The following LARS2 variants were observed in gnomAD, a reference collection of about 807,000 sequenced individuals.
The protein encoded by LARS2 is leucyl-tRNA synthetase 2, mitochondrial.
LARS2 carries 81 observed loss-of-function variants against 116.6 expected under a neutral mutation model. That is an observed-to-expected ratio of 0.69 (90% CI 0.58 to 0.84). The LOEUF is 0.84. Among genes scored for constraint, LARS2 ranks in the 40% least tolerant of loss-of-function variants. The probability of loss-of-function intolerance (pLI) is 0.00; values close to 1 mark genes in which losing one functional copy is unlikely to be tolerated. For synonymous variants in LARS2, 396 were observed against 407.2 expected (o/e 0.97, Z 0.33); for missense variants, 968 against 1,114.5 (o/e 0.87, Z 1.87).
intron 4 of LARS2, among the ~76,000 whole-genome samples, chr3:45,417,067 CTG>C (rs1182002535): frequency 1.9e-4 from 24 of 125,842 alleles, no homozygotes; most frequent in African/African-American, 6.7e-4. Context: ...GTGCAAGACT[CTG>C]TCTCAAAAAA....
At chr3:45,518,852 A>T (rs1370837733) in intron 18 of LARS2, among the ~76,000 whole-genome samples, 2 of 152,186 alleles carry the variant, frequency 1.3e-5, no homozygotes, top group African/African-American at 4.8e-5. Flanking sequence ...TATAACCTGA[A>T]GTGGCCCTGG....
At chr3:45,412,846 A>G (rs1309725842) in intron 4 of LARS2, among the ~76,000 whole-genome samples, 5 of 152,240 alleles carry the variant, frequency 3.3e-5, no homozygotes, top group African/African-American at 1.2e-4. Context: ...ACCACCTTCA[A>G]TATGGCAAAG....
At chr3:45,415,893 G>GGAGA (rs71095034) in intron 4 of LARS2, among the ~76,000 whole-genome samples, 789 of 69,816 alleles carry the variant, frequency 0.011, 15 homozygotes, top group African/African-American at 0.049. Flanking sequence ...AGAGAGAGAG[G>GGAGA]GAGAGAGAGA....
chr3:45,413,748 G>C (rs953006855), intron 4 of LARS2, among the ~76,000 whole-genome samples: 2 of 152,170 alleles, frequency 1.3e-5, no homozygotes, highest in South Asian at 4.1e-4. Flanking sequence ...TGCCTTTAAG[G>C]TAAGTGACTC....
intron 19 of LARS2, among the ~76,000 whole-genome samples, chr3:45,520,499 C>T (rs1700436064): frequency 6.6e-6 from 1 of 152,082 alleles, no homozygotes; most frequent in Non-Finnish European, 1.5e-5. Flanking sequence ...TGGTCCAAAC[C>T]CCCTTCTCCC....
chr3:45,507,212 C>T (rs1171132140), intron 15 of LARS2, among the ~76,000 whole-genome samples: 2 of 151,586 alleles, frequency 1.3e-5, no homozygotes, highest in Admixed American at 6.6e-5. Flanking sequence ...GCCTGGGCAA[C>T]ACAGCAAGAC....
chr3:45,523,366 AG>A (rs1381429288), intron 19 of LARS2, among the ~76,000 whole-genome samples: 1 of 152,158 alleles, frequency 6.6e-6, no homozygotes, highest in East Asian at 1.9e-4. Context: ...GAGGAAACCT[AG>A]CAGAGTGGGT....
In LARS2 at chr3:45,520,204, A is replaced by C; in HGVS notation, c.2215-15A>C. The C allele has an allele frequency of 6.3e-7, 1 of 1,579,400 alleles. No homozygotes were observed. Among genetic ancestry groups the C allele is most frequent in the South Asian group, 1.1e-5 (1 of 90,254 alleles). ...GAATTTTGAAATAAGTAAATAATTG[A>C]ACCTTTACTAATAGGTGACCACCCA... is the stretch of plus-strand genomic sequence containing the variant. On this transcript the variant is annotated splice_polypyrimidine_tract_variant and intron_variant, in intron 18 of 21. Coordinates refer to ENST00000645846, the MANE Select transcript of LARS2 (RefSeq NM_015340.4).
intron 8 of LARS2, 47 bp downstream of exon 8, chr3:45,458,933 A>T: frequency 1.3e-6 from 2 of 1,598,062 alleles, no homozygotes; most frequent in East Asian, 4.5e-5. Context: ...ACATGCTGGC[A>T]GGCAACACCA....
intron 4 of LARS2, among the ~76,000 whole-genome samples, chr3:45,409,333 A>G (rs112567435): frequency 3.3e-5 from 5 of 152,342 alleles, no homozygotes; most frequent in African/African-American, 1.2e-4. Context: ...TTGGAATTCT[A>G]AAACCTAACA....
chr3:45,444,905 T>C (rs533434098), intron 6 of LARS2, among the ~76,000 whole-genome samples: 1 of 152,044 alleles, frequency 6.6e-6, no homozygotes, highest in African/African-American at 2.4e-5. Context: ...AAAGAAAATA[T>C]TGAACCTCTA....
intron 18 of LARS2, among the ~76,000 whole-genome samples, chr3:45,518,375 T>G (rs1408068945): frequency 6.6e-6 from 1 of 152,168 alleles, no homozygotes; most frequent in Non-Finnish European, 1.5e-5. Flanking sequence ...TTTCCACATT[T>G]AACACATCCA....
intron 15 of LARS2, among the ~76,000 whole-genome samples, chr3:45,502,154 T>A (rs1265869536): frequency 6.6e-6 from 1 of 152,070 alleles, no homozygotes; most frequent in Non-Finnish European, 1.5e-5. Flanking sequence ...GTTGATTTCT[T>A]AATGAAGTTT....
At chr3:45,418,169 T>C (rs1292119834) in intron 5 of LARS2, among the ~76,000 whole-genome samples, 1 of 152,194 alleles carries the variant, frequency 6.6e-6, no homozygotes, top group East Asian at 1.9e-4. Context: ...GGCCTCACCC[T>C]AGAACTTGGC....
chr3:45,446,829 G>A (rs1699027466), intron 6 of LARS2, 62 bp from the exon 7 acceptor site: 3 of 923,370 alleles, frequency 3.2e-6, no homozygotes, highest in Admixed American at 4.5e-5. Flanking sequence ...GCAAGACTGA[G>A]CATGCATGGC....
intron 6 of LARS2, among the ~76,000 whole-genome samples, chr3:45,426,378 G>A (rs1698594972): frequency 6.6e-6 from 1 of 152,190 alleles, no homozygotes; most frequent in Non-Finnish European, 1.5e-5. Flanking sequence ...TGTTTGACCC[G>A]CCCAGTCCTC....
chr3:45,405,017 A>G (rs1474413044), intron 4 of LARS2, among the ~76,000 whole-genome samples: 2 of 152,168 alleles, frequency 1.3e-5, no homozygotes, highest in Non-Finnish European at 1.5e-5. Flanking sequence ...AGGGAGGTCT[A>G]TATGTCATCC....
At chr3:45,427,110 A>G (rs931457923) in intron 6 of LARS2, among the ~76,000 whole-genome samples, 1 of 152,082 alleles carries the variant, frequency 6.6e-6, no homozygotes. Flanking sequence ...AGGGTACAAA[A>G]TCTCTCTCTT....
rs1269970737 is a variant in LARS2 at position 45,500,489 on chromosome 3, A to G, written c.1670A>G (p.Tyr557Cys). 7.5e-6 allele frequency: 12 copies of G among 1,604,374 alleles called. No homozygotes were observed. The highest frequency in any genetic ancestry group is 1.0e-5 in the Non-Finnish European group (12 of 1,176,904). ...VADYWMPVDL[Y>C]IGGKEHAVMH... is the part of the protein sequence containing the mutation. ...GATTACTGGATGCCTGTGGATTTGT[A>G]CATTGGAGGGAAAGAACATGCCGTC... The change falls in exon 15 of 22, where the codon TAC becomes TGC. Residue 557 changes from tyrosine to cysteine, a missense_variant. Tyr to Cys is a radical substitution (Grantham distance 194). Coordinates refer to ENST00000645846, the MANE Select transcript of LARS2 (RefSeq NM_015340.4).
Sources: allele counts gnomAD v4.1 joint callset (sites outside exome capture counted in the v4.1 genomes callset), GRCh38; gene constraint gnomAD v4.1.1; transcripts MANE v1.5; gene names NCBI Gene and HGNC (gene_info 2026-07-23, HGNC 2026-07-21).